The following ERCC6L variants were observed in gnomAD, a reference collection of about 807,000 sequenced individuals.
The protein encoded by ERCC6L is DNA excision repair protein ERCC-6-like.
In ERCC6L, 7 loss-of-function variants were observed where a neutral mutation model predicts 20.1. The ratio of observed to expected loss-of-function variants is 0.35; its 90% CI spans 0.20 to 0.65. ERCC6L has a LOEUF of 0.65. ERCC6L is among the 30% of genes least tolerant of loss of function. The pLI is 0.69. For synonymous variants in ERCC6L, 278 were observed against 331.3 expected (o/e 0.84, Z 1.75); for missense variants, 592 against 892.4 (o/e 0.66, Z 4.29).
intron 1 of ERCC6L, among the ~76,000 whole-genome samples, chrX:72,231,133 G>A (rs2042980889): frequency 1.8e-5 from 2 of 112,256 alleles, no homozygotes; most frequent in Non-Finnish European, 3.8e-5. Flanking sequence ...CGTGTTCACT[G>A]CAGCATTATT....
At chrX:72,222,698 A>AGCG (rs1387631653) in intron 1 of ERCC6L, among the ~76,000 whole-genome samples, 1 of 107,690 alleles carries the variant, frequency 9.3e-6, no homozygotes, top group Non-Finnish European at 1.9e-5. Flanking sequence ...CCCAGGTTCA[A>AGCG]GCGATTCTCC....
Position 72,206,343 on chromosome X carries a change from A to T in ERCC6L, c.2424T>A (p.Ala808=), listed in dbSNP as rs2042819839. Residue 808 remains alanine (A), a synonymous_variant, in exon 2 of 2, where the codon GCT becomes GCA. Coordinates refer to ENST00000334463, the MANE Select transcript of ERCC6L (RefSeq NM_017669.4). The part of the protein sequence containing the change: ...TLQDGKGTGS[A]DSIATLPKGF... ...CCTTTGGTAAAGTAGCTATAGAGTC[A>T]GCACTACCTGTACCTTTACCATCTT... is the stretch of plus-strand genomic sequence containing the variant. 8.3e-7 allele frequency: 1 copy of T among 1,208,310 alleles called. No homozygotes were observed. The highest frequency in any genetic ancestry group is 1.8e-5 in the African/African-American group (1 of 57,128).
At chrX:72,234,325 C>T (rs1386641663) in intron 1 of ERCC6L, among the ~76,000 whole-genome samples, 1 of 111,610 alleles carries the variant, frequency 9.0e-6, no homozygotes. Flanking sequence ...TGATTAACTT[C>T]GTCAAGTACT....
chrX:72,229,931 G>A (rs1027639590), intron 1 of ERCC6L, among the ~76,000 whole-genome samples: 5 of 111,541 alleles, frequency 4.5e-5, no homozygotes, highest in South Asian at 3.8e-4. Context: ...GGTGGCTCAC[G>A]CCTGTAATCC....
chrX:72,219,964 C>T (rs758619670), intron 1 of ERCC6L, among the ~76,000 whole-genome samples: 114 of 111,372 alleles, frequency 1.0e-3, no homozygotes, highest in South Asian at 8.3e-3. Flanking sequence ...AGCCTTTAGT[C>T]TTTCACCATT....
chrX:72,232,582 G>A (rs896472549), intron 1 of ERCC6L, among the ~76,000 whole-genome samples: 4 of 112,236 alleles, frequency 3.6e-5, no homozygotes, highest in African/African-American at 1.3e-4. Context: ...GCCAAGGCAG[G>A]CAGATCACCT....
chrX:72,236,385 G>A (rs942197080), intron 1 of ERCC6L, among the ~76,000 whole-genome samples: 6 of 111,238 alleles, frequency 5.4e-5, no homozygotes, highest in Non-Finnish European at 1.1e-4. Context: ...TGCAACCTCC[G>A]CCTCCTGGGT....
chrX:72,213,863 CATCTTGGGAGCGGCCCACCACT>C (rs1326766072), intron 1 of ERCC6L, among the ~76,000 whole-genome samples: 1 of 111,531 alleles, frequency 9.0e-6, no homozygotes, highest in African/African-American at 3.3e-5. Flanking sequence ...GGCTTGCTGC[CATCTTGGGAGCGGCCCACCACT>C]ATCTTGGGAG....
In ERCC6L at chrX:72,206,367, T is replaced by C; in HGVS notation, c.2400A>G (p.Gln800=). 8.3e-7 allele frequency: 1 copy of C among 1,210,541 alleles called. No individual in the cohort carries two copies. Among genetic ancestry groups the C allele is most frequent in the African/African-American group, 1.7e-5 (1 of 57,790 alleles). Residue 800 remains glutamine, a synonymous_variant, in exon 2 of 2, where the codon CAA becomes CAG. Transcript: ENST00000334463. ...CAGCACTACCTGTACCTTTACCATC[T>C]TGCAAGGTGGTAACATTCACCTTTA... ...SSIKVNVTTL[Q]DGKGTGSADS... is the part of the protein sequence containing the mutation.
intron 1 of ERCC6L, among the ~76,000 whole-genome samples, chrX:72,234,635 C>T (rs1311126382): frequency 9.0e-6 from 1 of 110,629 alleles, no homozygotes; most frequent in Non-Finnish European, 1.9e-5. Context: ...AGTCCTTATA[C>T]CAGTGAGTGA....
Position 72,205,227 on chromosome X carries a change from C to CAAAG in ERCC6L, c.3536_3539dup (p.Leu1180PhefsTer5). Reference sequence around the variant, plus strand: ...GAGAACCAACCAACTGTTCACCAGACAAAGGCTCAGGGGCACCAAGAGAGG... The same window carrying CAAAG: ...GAGAACCAACCAACTGTTCACCAGACAAAGAAAGGCTCAGGGGCACCAAGAGAGG... On this transcript the variant is annotated frameshift_variant, in exon 2 of 2. Coordinates refer to ENST00000334463, the MANE Select transcript of ERCC6L (RefSeq NM_017669.4). LOFTEE classifies it high-confidence loss of function. 8.3e-7 allele frequency: 1 copy of CAAAG among 1,211,775 alleles called. No individual in the cohort carries two copies. The highest frequency in any genetic ancestry group is 1.1e-6 in the Non-Finnish European group (1 of 895,499).
At chrX:72,221,834 G>A (rs773608275) in intron 1 of ERCC6L, among the ~76,000 whole-genome samples, 1 of 110,091 alleles carries the variant, frequency 9.1e-6, no homozygotes, top group East Asian at 2.9e-4. Flanking sequence ...TCTTCTCAAT[G>A]AAAATGCTGT....
rs4466531 is a variant in ERCC6L at position 72,205,011 on chromosome X, T to C, written c.*3A>G. ...TTTAAAATACAATAAACAGGTTACA[T>C]TCTCAATTGTTATTAAGTTGCTTAT... On this transcript the variant is annotated 3_prime_UTR_variant, in exon 2 of 2. Coordinates refer to ENST00000334463, the MANE Select transcript of ERCC6L (RefSeq NM_017669.4). 9.1e-3 allele frequency: 10,616 copies of C among 1,169,880 alleles called. 165 individuals carry two copies. The highest frequency in any genetic ancestry group is 0.086 in the African/African-American group (4,811 of 55,698).
At chrX:72,234,605 T>C (rs1212384319) in intron 1 of ERCC6L, among the ~76,000 whole-genome samples, 1 of 110,610 alleles carries the variant, frequency 9.0e-6, no homozygotes, top group African/African-American at 3.3e-5. Context: ...TTTTTAACAA[T>C]GAAAGAATTG....
chrX:72,205,372 T>G lies in ERCC6L; in HGVS notation c.3395A>C (p.Glu1132Ala). 5 of 1,212,174 alleles carry G rather than the reference T, an allele frequency of 4.1e-6. No homozygotes were observed. The highest frequency in any genetic ancestry group is 5.6e-6 in the Non-Finnish European group (5 of 895,625). Reference sequence around the variant, plus strand: ...CTTGGAGGCTTCGCCACTGCTTTCCTCCACCCCTTCTTCTGGATAATCTTC... The same window carrying G: ...CTTGGAGGCTTCGCCACTGCTTTCCGCCACCCCTTCTTCTGGATAATCTTC... ...GPEDYPEEGV[E>A]ESSGEASKYT... is the part of the protein sequence containing the mutation. Residue 1132 changes from glutamate (E) to alanine (A), a missense_variant, in exon 2 of 2, where the codon GAG (glutamate) becomes GCG (alanine). Glu to Ala is a moderately radical substitution (Grantham distance 107). Around this residue, in one of 3 missense-constraint regions of ERCC6L, gnomAD observed 352 missense variants for 402.6 expected, o/e 0.87. Transcript: ENST00000334463.
intron 1 of ERCC6L, among the ~76,000 whole-genome samples, chrX:72,230,170 G>A (rs1602450925): frequency 1.9e-5 from 2 of 107,189 alleles, no homozygotes; most frequent in Admixed American, 2.0e-4. Context: ...GCAAGACTCC[G>A]ACTCAAAAAA....
At chrX:72,236,436 C>T (rs1292196121) in intron 1 of ERCC6L, among the ~76,000 whole-genome samples, 1 of 111,424 alleles carries the variant, frequency 9.0e-6, no homozygotes, top group Non-Finnish European at 1.9e-5. Context: ...GCTGGGATTA[C>T]AGGTGCCCGC....
Position 72,208,455 on chromosome X carries a change from T to C in ERCC6L, c.312A>G (p.Ile104Met). ...CCCTATACAGGCTATAGAGGAAAGC[T>C]ATGCCTTCCTTCTGGTGCTCAAAGA... ...NQLFEHQKEGIAFLYSLYRDG... is the reference protein window; with the variant it reads ...NQLFEHQKEGMAFLYSLYRDG... The change falls in exon 2 of 2, where the codon ATA becomes ATG. Residue 104 changes from isoleucine to methionine, a missense_variant. Around this residue, in one of 3 missense-constraint regions of ERCC6L, gnomAD observed 196 missense variants for 440.1 expected, o/e 0.45. Coordinates refer to ENST00000334463, the MANE Select transcript of ERCC6L (RefSeq NM_017669.4). The C allele has an allele frequency of 8.3e-7, 1 of 1,211,256 alleles. No individual in the cohort carries two copies. Among genetic ancestry groups the C allele is most frequent in the Non-Finnish European group, 1.1e-6 (1 of 894,934 alleles).
In ERCC6L at chrX:72,213,941, C is replaced by T. The variant is rs2042872777; in HGVS notation, c.69-5243G>A. Among the ~76,000 whole-genome samples, 4 of 112,421 alleles carry T rather than the reference C, an allele frequency of 3.6e-5. No individual in the cohort carries two copies. In the South Asian group the frequency reaches 1.5e-3, roughly 41 times the overall value. On this transcript the variant is annotated intron_variant, in intron 1 of 1. Transcript: ENST00000334463. ...CCGTTAACAGTTTCCCTATACTGAT[C>T]CAGCTCCTGGAGTATCTGCTCCCTG...
Sources: gnomAD v4.1 joint callset for allele counts (sites outside exome capture counted in the v4.1 genomes callset) on GRCh38, gnomAD v4.1.1 for gene constraint, gnomAD v4.1.1 regional missense constraint, MANE v1.5 for transcripts, NCBI Gene and HGNC (gene_info 2026-07-23, HGNC 2026-07-21) for gene names.